Variants in ZNF644 observed in about 807,000 individuals in gnomAD.
The protein encoded by ZNF644 is zinc finger protein 644.
A neutral mutation model predicts 108.0 loss-of-function variants in ZNF644; 20 were observed. The observed-to-expected ratio is 0.19, with a 90% confidence interval of 0.13 to 0.27. ZNF644 has a LOEUF of 0.27. ZNF644 is among the 10% of genes least tolerant of loss of function. The pLI is 1.00. For missense variants in ZNF644, 1,338 were observed against 1,548.9 expected, an observed-to-expected ratio of 0.86 and a Z score of 2.29; for synonymous variants, 542 against 539.1, an observed-to-expected ratio of 1.01 and a Z score of -0.08.
intron 1 of ZNF644, among the ~76,000 whole-genome samples, chr1:91,018,259 G>C (rs1469359415): frequency 6.6e-6 from 1 of 152,118 alleles, no homozygotes; most frequent in Non-Finnish European, 1.5e-5. Flanking sequence ...AAACTCAATG[G>C]TGTAAACGGC....
chr1:90,917,010 C>A lies in ZNF644; in HGVS notation c.3792-20G>T. 1 of 1,612,940 alleles carries A rather than the reference C, an allele frequency of 6.2e-7. No homozygotes were observed. The highest frequency in any genetic ancestry group is 8.5e-7 in the Non-Finnish European group (1 of 1,178,962). ...CAAAACCTACAGAAAGATAACAATT[C>A]TCTTAACATGACCAATTCTCTTTCT... On this transcript the variant is annotated intron_variant, in intron 5 of 5. Coordinates refer to ENST00000337393, the MANE Select transcript of ZNF644 (RefSeq NM_201269.3).
intron 1 of ZNF644, among the ~76,000 whole-genome samples, chr1:90,991,340 T>C (rs1023149221): frequency 1.3e-5 from 2 of 152,210 alleles, no homozygotes; most frequent in Non-Finnish European, 2.9e-5. Flanking sequence ...GAAGATAAAA[T>C]GGTACAACCA....
intron 1 of ZNF644, among the ~76,000 whole-genome samples, chr1:91,012,956 T>C (rs1660096520): frequency 6.6e-6 from 1 of 152,232 alleles, no homozygotes. Context: ...AACATCAATA[T>C]TCCCTAAATG....
intron 2 of ZNF644, 63 bp downstream of exon 2, chr1:90,982,247 C>T (rs1656623237): frequency 7.3e-7 from 1 of 1,367,216 alleles, no homozygotes; most frequent in Non-Finnish European, 1.0e-6. Flanking sequence ...ATTTTTAAGA[C>T]ATAATTTTTT....
rs777442405 is a variant in ZNF644 at position 90,940,013 on chromosome 1, T to C, written c.1341A>G (p.Pro447=). The C allele has an allele frequency of 2.5e-6, 4 of 1,614,082 alleles. No homozygotes were observed. Among genetic ancestry groups the C allele is most frequent in the Non-Finnish European group, 3.4e-6 (4 of 1,179,966 alleles). ...TCCGTCCACATTCTCTACAAGCATA[T>C]GGCCTTGGGACATTAAGATGGCGAA... is the stretch of plus-strand genomic sequence containing the variant. ...SHFRHLNVPR[P]YACRECGRTF... Residue 447 remains proline, a synonymous_variant, in exon 3 of 6, where the codon CCA becomes CCG. Transcript: ENST00000337393.
intron 2 of ZNF644, among the ~76,000 whole-genome samples, chr1:90,964,496 C>A (rs906542276): frequency 6.6e-6 from 1 of 151,994 alleles, no homozygotes. Flanking sequence ...CTCTACAATA[C>A]CAATTAATAT....
chr1:90,916,957 A>G lies in ZNF644; in HGVS notation c.3825T>C (p.Ser1275=), dbSNP rs1445735765. The G allele has an allele frequency of 1.2e-6, 2 of 1,614,230 alleles. No homozygotes were observed. The highest frequency in any genetic ancestry group is 3.3e-4 in the Middle Eastern group (2 of 6,062). Residue 1275 remains serine (S), a synonymous_variant, in exon 6 of 6, where the codon TCT becomes TCC. Coordinates refer to ENST00000337393, the MANE Select transcript of ZNF644 (RefSeq NM_201269.3). ...FCGLVFRGPL[S]VQEDWIKHLQ... is the part of the protein sequence containing the mutation. ...AGTGCTTAATCCAGTCTTCCTGAAC[A>G]GACAAGGGTCCTCGAAAGACTAGGC... is the stretch of plus-strand genomic sequence containing the variant.
intron 2 of ZNF644, among the ~76,000 whole-genome samples, chr1:90,952,324 T>A (rs956571010): frequency 1.3e-5 from 2 of 152,224 alleles, no homozygotes; most frequent in African/African-American, 2.4e-5. Context: ...TGTATAAACA[T>A]GTAATTATTC....
intron 1 of ZNF644, among the ~76,000 whole-genome samples, chr1:90,986,761 A>G (rs1657144916): frequency 6.6e-6 from 1 of 152,006 alleles, no homozygotes; most frequent in Non-Finnish European, 1.5e-5. Flanking sequence ...AAACACATTA[A>G]AATTATATAA....
chr1:90,989,082 A>C (rs907287539), intron 1 of ZNF644, among the ~76,000 whole-genome samples: 3 of 152,218 alleles, frequency 2.0e-5, no homozygotes, highest in African/African-American at 7.2e-5. Context: ...GAGTGAAAAG[A>C]CAACCTACAG....
In ZNF644 at chr1:90,940,049, C is replaced by G. The variant is rs769648995; in HGVS notation, c.1305G>C (p.Gly435=). 2.5e-6 allele frequency: 4 copies of G among 1,613,918 alleles called. No individual in the cohort carries two copies. Among genetic ancestry groups the G allele is most frequent in the African/African-American group, 2.7e-5 (2 of 74,898 alleles). The change falls in exon 3 of 6, where the codon GGG becomes GGC. Residue 435 remains glycine, a synonymous_variant. Transcript: ENST00000337393. ...LHRHMMYHLD[G]NSHFRHLNVP... is the part of the protein sequence containing the mutation. ...CATTAAGATGGCGAAAGTGACTATT[C>G]CCATCTAAATGATACATCATATGCC...
chr1:90,990,866 T>C (rs915907896), intron 1 of ZNF644, among the ~76,000 whole-genome samples: 4 of 152,116 alleles, frequency 2.6e-5, no homozygotes, highest in Non-Finnish European at 4.4e-5. Flanking sequence ...AAAGTAATCC[T>C]GAACTATATG....
At chr1:91,016,768 T>C (rs1425974924) in intron 1 of ZNF644, among the ~76,000 whole-genome samples, 3 of 152,210 alleles carry the variant, frequency 2.0e-5, no homozygotes, top group Admixed American at 2.0e-4. Flanking sequence ...AACACTTTAT[T>C]AGGTATTTTT....
At chr1:90,978,848 A>T (rs1427234980) in intron 2 of ZNF644, among the ~76,000 whole-genome samples, 4 of 152,118 alleles carry the variant, frequency 2.6e-5, no homozygotes, top group Non-Finnish European at 5.9e-5. Flanking sequence ...AAAAAAAAAA[A>T]AAAGAACCAA....
chr1:91,016,980 G>A (rs1030338753), intron 1 of ZNF644, among the ~76,000 whole-genome samples: 1 of 152,034 alleles, frequency 6.6e-6, no homozygotes, highest in East Asian at 1.9e-4. Context: ...CTACAGGCAC[G>A]TGCCACCATG....
At chr1:90,982,160 C>A in intron 2 of ZNF644, 150 bp downstream of exon 2, 4 of 625,130 alleles carry the variant, frequency 6.4e-6, no homozygotes, top group South Asian at 2.0e-5. Context: ...ATCAACTGGA[C>A]CAAGTGTGTC....
At chr1:90,959,761 G>A (rs909649246) in intron 2 of ZNF644, among the ~76,000 whole-genome samples, 4 of 152,096 alleles carry the variant, frequency 2.6e-5, no homozygotes, top group Admixed American at 6.5e-5. Flanking sequence ...TGTTTTTATG[G>A]GGTGATGAAA....
At chr1:90,980,680 A>G (rs1656455645) in intron 2 of ZNF644, among the ~76,000 whole-genome samples, 1 of 152,204 alleles carries the variant, frequency 6.6e-6, no homozygotes, top group Non-Finnish European at 1.5e-5. Flanking sequence ...ACATAGATGA[A>G]GCTCAAGAAC....
At chr1:90,918,179 A>G in intron 4 of ZNF644, 25 bp from the exon 5 acceptor site, 1 of 1,571,994 alleles carries the variant, frequency 6.4e-7, no homozygotes, top group African/African-American at 1.3e-5. Context: ...AGAAAGACTT[A>G]ACATTCCTTA....
Sources: allele counts gnomAD v4.1 joint callset (sites outside exome capture counted in the v4.1 genomes callset), GRCh38; gene constraint gnomAD v4.1.1; transcripts MANE v1.5; gene names NCBI Gene and HGNC (gene_info 2026-07-23, HGNC 2026-07-21).